SLC44A1: variants seen among roughly 807,000 people sequenced by gnomAD.
The protein encoded by SLC44A1 is choline transporter-like protein 1.
SLC44A1 carries 26 observed loss-of-function variants against 79.3 expected under a neutral mutation model. The observed-to-expected ratio is 0.33, with a 90% CI of 0.24 to 0.46. SLC44A1 has a LOEUF of 0.46. Among genes scored for constraint, SLC44A1 ranks in the 20% least tolerant of loss-of-function variants. The pLI is 1.00. For missense variants in SLC44A1, 688 were observed against 798.1 expected (o/e 0.86, Z 1.66); for synonymous variants, 263 against 286.2 (o/e 0.92, Z 0.82).
chr9:105,266,267 T>A (rs1299192160), intron 1 of SLC44A1, among the ~76,000 whole-genome samples: 1 of 152,204 alleles, frequency 6.6e-6, no homozygotes. Flanking sequence ...ATACTTGGCC[T>A]TCATTGCTTA....
At chr9:105,386,932 G>C (rs1391736403) in intron 15 of SLC44A1, among the ~76,000 whole-genome samples, 1 of 146,502 alleles carries the variant, frequency 6.8e-6, no homozygotes, top group East Asian at 2.0e-4. Flanking sequence ...CGAGTTACTT[G>C]GGAGGCTGAA....
Position 105,392,645 on chromosome 9 carries a change from C to T in SLC44A1, c.*3589C>T. The stretch of plus-strand genomic sequence containing the variant: ...AAAACAGCTACAGGAACTGCAGGCA[C>T]CACATATGTGTGAGGCCACATCACT... On this transcript the variant is annotated 3_prime_UTR_variant, in exon 16 of 16. Transcript: ENST00000374720. 2.0e-6 allele frequency: 2 copies of T among 985,338 alleles called. No homozygotes were observed. The highest frequency in any genetic ancestry group is 2.4e-6 in the Non-Finnish European group (2 of 829,938). 61.0% of individuals were successfully genotyped at this position (985,338 alleles called of 1,614,324 possible).
rs567551197 is a variant in SLC44A1 at position 105,283,720 on chromosome 9, A to G, written c.37-15500A>G. 1.1e-4 allele frequency among the ~76,000 whole-genome samples: 16 copies of G among 152,350 alleles called. No individual in the cohort carries two copies. The South Asian group carries it at 2.7e-3, about 26-fold the overall frequency. The stretch of plus-strand genomic sequence containing the variant: ...GGTTATTTTTTAAAAATCCAATCCC[A>G]ATATGTGCGAGTCCTTTCTCATTCC... On this transcript the variant is annotated intron_variant, in intron 1 of 15. Coordinates refer to ENST00000374720, the MANE Select transcript of SLC44A1 (RefSeq NM_080546.5).
Position 105,420,357 on chromosome 9 carries a change from G to A in SLC44A1, c.1951-17924G>A, listed in dbSNP as rs80137081. 5.5e-3 allele frequency among the ~76,000 whole-genome samples: 831 copies of A among 152,162 alleles called. 4 individuals carry two copies. The highest frequency in any genetic ancestry group is 0.01 in the Middle Eastern group (3 of 294). On this transcript the variant is annotated intron_variant, in intron 15 of 15. Transcript: ENST00000374724. Reference sequence around the variant, plus strand: ...CTTTTTTTATTTACAAAATGTCGGCGTTCTCTTGGGCATGGGAAATTAAAG... The same window carrying A: ...CTTTTTTTATTTACAAAATGTCGGCATTCTCTTGGGCATGGGAAATTAAAG...
chr9:105,348,219 T>C (rs991412351), intron 4 of SLC44A1, 139 bp from the exon 5 acceptor site: 13 of 543,116 alleles, frequency 2.4e-5, no homozygotes, highest in African/African-American at 1.3e-4. Context: ...TGAGGACTTA[T>C]AATATGGATC....
In SLC44A1 at chr9:105,396,141, C is replaced by G; in HGVS notation, c.*7085C>G. On this transcript the variant is annotated 3_prime_UTR_variant, in exon 16 of 16. Coordinates refer to ENST00000374720, the MANE Select transcript of SLC44A1 (RefSeq NM_080546.5). ...CTTCTGCTGTGTTGCCTTAATGCTA[C>G]TAGATTGTGTTGTGTTGTTGGAGTT... The G allele has an allele frequency of 1.0e-6, 1 of 985,258 alleles. No homozygotes were observed. The highest frequency in any genetic ancestry group is 1.2e-6 in the Non-Finnish European group (1 of 829,898). The allele number at this position is 985,258 out of a possible 1,614,324, so 61.0% of individuals were successfully genotyped here.
In SLC44A1 at chr9:105,331,394, T is replaced by G. The variant is rs551600143; in HGVS notation, c.270-4169T>G. 5.9e-5 allele frequency among the ~76,000 whole-genome samples: 9 copies of G among 152,386 alleles called. No individual in the cohort carries two copies. The South Asian group carries it at 1.7e-3, about 28-fold the overall frequency. ...CGTGTTACCCTCTCAGCTGAAATAC[T>G]CATCTGTAGTTTTCAGTTACAATAA... On this transcript the variant is annotated intron_variant, in intron 3 of 15. Coordinates refer to ENST00000374720, the MANE Select transcript of SLC44A1 (RefSeq NM_080546.5).
chr9:105,275,626 G>C (rs1184873264), intron 1 of SLC44A1, among the ~76,000 whole-genome samples: 2 of 152,144 alleles, frequency 1.3e-5, no homozygotes, highest in African/African-American at 4.8e-5. Context: ...ATTCTGTTGA[G>C]TTTGAGGATT....
In SLC44A1 at chr9:105,391,621, A is replaced by T. The variant is rs371242126; in HGVS notation, c.*2565A>T. On this transcript the variant is annotated 3_prime_UTR_variant, in exon 16 of 16. Coordinates refer to ENST00000374720, the MANE Select transcript of SLC44A1 (RefSeq NM_080546.5). ...TAAAGCCTCACAGAGGATTTTAAGC[A>T]ATATTTAAATGTGTTGAGGTTATGT... 3.0e-6 allele frequency: 3 copies of T among 985,354 alleles called. No homozygotes were observed. Among genetic ancestry groups the T allele is most frequent in the East Asian group, 2.3e-4 (2 of 8,818 alleles). 61.0% of individuals were successfully genotyped at this position (985,354 alleles called of 1,614,324 possible).
At chr9:105,385,952 CT>C in intron 15 of SLC44A1, 1 of 985,356 alleles carries the variant, frequency 1.0e-6, no homozygotes, top group Non-Finnish European at 1.2e-6. Context: ...AAGTATGGTT[CT>C]GCTTACATTG....
intron 1 of SLC44A1, among the ~76,000 whole-genome samples, chr9:105,277,555 A>G (rs1160832969): frequency 2.6e-5 from 4 of 152,236 alleles, no homozygotes; most frequent in African/African-American, 4.8e-5. Flanking sequence ...CACACCATAT[A>G]GGTGAACCTG....
intron 2 of SLC44A1, among the ~76,000 whole-genome samples, chr9:105,308,242 T>A (rs1030196213): frequency 1.1e-4 from 17 of 152,186 alleles, no homozygotes. Flanking sequence ...ATATTCTCAT[T>A]TCTAATAATA....
chr9:105,259,565 C>A (rs1203746694), intron 1 of SLC44A1, among the ~76,000 whole-genome samples: 1 of 152,168 alleles, frequency 6.6e-6, no homozygotes, highest in Non-Finnish European at 1.5e-5. Context: ...AAAAACTCAG[C>A]ATATTTAAGA....
intron 14 of SLC44A1, among the ~76,000 whole-genome samples, chr9:105,384,864 G>A (rs1371295117): frequency 6.6e-6 from 1 of 152,120 alleles, no homozygotes; most frequent in Non-Finnish European, 1.5e-5. Context: ...ATAGGTTCTG[G>A]TTGATACACC....
At chr9:105,329,963 G>T (rs115695086) in intron 3 of SLC44A1, among the ~76,000 whole-genome samples, 2 of 152,164 alleles carry the variant, frequency 1.3e-5, no homozygotes, top group African/African-American at 2.4e-5. Flanking sequence ...CTATCACATG[G>T]TTTTTAAATG....
At chr9:105,424,215 A>G (rs531667291) in intron 15 of SLC44A1, among the ~76,000 whole-genome samples, 2 of 152,238 alleles carry the variant, frequency 1.3e-5, no homozygotes, top group African/African-American at 4.8e-5. Context: ...CCATGGGATT[A>G]AGGGGACAGG....
intron 3 of SLC44A1, among the ~76,000 whole-genome samples, chr9:105,318,656 T>C (rs1349409782): frequency 1.3e-5 from 2 of 152,160 alleles, no homozygotes; most frequent in Non-Finnish European, 2.9e-5. Flanking sequence ...TCTGTATTGC[T>C]AGTGCATTTC....
chr9:105,283,308 G>A (rs1273081072), intron 1 of SLC44A1, among the ~76,000 whole-genome samples: 5 of 152,242 alleles, frequency 3.3e-5, no homozygotes, highest in Middle Eastern at 3.4e-3. Flanking sequence ...CTCTGGAAAC[G>A]GTCTAAATTG....
intron 4 of SLC44A1, 95 bp from the exon 5 acceptor site, chr9:105,348,263 A>G (rs1025573637): frequency 1.5e-6 from 1 of 659,698 alleles, no homozygotes; most frequent in African/African-American, 1.8e-5. Context: ...TAATGTTTGG[A>G]AAGTTGCATA....
Sources: gnomAD v4.1 joint callset for allele counts (sites outside exome capture counted in the v4.1 genomes callset) on GRCh38, gnomAD v4.1.1 for gene constraint, MANE v1.5 for transcripts, NCBI Gene and HGNC (gene_info 2026-07-23, HGNC 2026-07-21) for gene names.